Variants in STYX observed in about 807,000 individuals in gnomAD.
The protein encoded by STYX is serine/threonine/tyrosine-interacting protein.
A neutral mutation model predicts 42.7 loss-of-function variants in STYX; 20 were observed. The observed-to-expected ratio is 0.47, with a 90% CI of 0.33 to 0.68. STYX has a LOEUF of 0.68. Ranked by LOEUF, STYX falls within the 30% of genes least tolerant of loss-of-function variation. The probability of loss-of-function intolerance (pLI) is 0.02; values close to 1 mark genes in which losing one functional copy is unlikely to be tolerated. For missense variants in STYX, 226 were observed against 268.5 expected (o/e 0.84, Z 1.11); for synonymous variants, 78 against 81.9 (o/e 0.95, Z 0.26).
intron 4 of STYX, among the ~76,000 whole-genome samples, chr14:52,755,089 C>T (rs1017441082): frequency 1.9e-4 from 28 of 150,826 alleles, no homozygotes; most frequent in African/African-American, 6.6e-4. Context: ...TCCTGAGGTT[C>T]AGCTTCTGTG....
intron 9 of STYX, among the ~76,000 whole-genome samples, chr14:52,766,482 A>T (rs1357780539): frequency 6.6e-6 from 1 of 151,860 alleles, no homozygotes; most frequent in Admixed American, 6.6e-5. Context: ...TTTTTAAATT[A>T]TTTTTGGTAG....
chr14:52,770,972 T>C (rs1181665245), intron 10 of STYX, 61 bp from the exon 11 acceptor site: 49 of 1,524,742 alleles, frequency 3.2e-5, no homozygotes, highest in Non-Finnish European at 3.7e-5. Flanking sequence ...TTTTACTTGC[T>C]GTAACCTTTT....
In STYX at chr14:52,773,730, T is replaced by C. The variant is rs1882612350; in HGVS notation, c.*2624T>C. On this transcript the variant is annotated 3_prime_UTR_variant, in exon 11 of 11. Transcript: ENST00000354586. ...TTTTCTTGCATGTCTGTCCACCTAA[T>C]GTTTAAGTAGTTCTGGTAGCTCTTC... The C allele has an allele frequency of 6.6e-6, 1 of 152,180 alleles. No individual in the cohort carries two copies. Among genetic ancestry groups the C allele is most frequent in the Admixed American group, 6.5e-5 (1 of 15,278 alleles). The allele number at this position is 152,180 out of a possible 1,614,324, so 9.4% of individuals were successfully genotyped here. A position where few individuals can be genotyped will look rare whatever the true frequency, so the allele number is the denominator to read the frequency against.
At chr14:52,752,376 A>T (rs1008446912) in intron 4 of STYX, among the ~76,000 whole-genome samples, 2 of 151,824 alleles carry the variant, frequency 1.3e-5, no homozygotes, top group Non-Finnish European at 2.9e-5. Context: ...GAGGCAGGAG[A>T]ATCACTTGAA....
At chr14:52,730,808 G>A (rs1880668054) in intron 1 of STYX, among the ~76,000 whole-genome samples, 1 of 152,234 alleles carries the variant, frequency 6.6e-6, no homozygotes, top group Admixed American at 6.5e-5. Flanking sequence ...CTGACCTGGA[G>A]TAAGGTTCCT....
chr14:52,774,420 T>G lies in STYX; in HGVS notation c.*3314T>G, dbSNP rs1196407926. The G allele has an allele frequency of 2.6e-5, 4 of 152,016 alleles. No homozygotes were observed. Among genetic ancestry groups the G allele is most frequent in the Admixed American group, 2.6e-4 (4 of 15,280 alleles). 9.4% of individuals were successfully genotyped at this position (152,016 alleles called of 1,614,324 possible). ...GCGGATTTTTTTTTTTTTAAATAAC[T>G]GATTTAATCCATAATCCCATAACAA... On this transcript the variant is annotated 3_prime_UTR_variant, in exon 11 of 11. Transcript: ENST00000354586.
At chr14:52,764,849 G>C (rs1370301037) in intron 9 of STYX, among the ~76,000 whole-genome samples, 1 of 151,042 alleles carries the variant, frequency 6.6e-6, no homozygotes, top group Non-Finnish European at 1.5e-5. Flanking sequence ...TTGTATTTTT[G>C]GTAGAGACGG....
Position 52,732,456 on chromosome 14 carries a change from G to A in STYX, c.57+1925G>A, listed in dbSNP as rs373205733. Reference sequence around the variant, plus strand: ...CCGGGCTAATTTTTTTGTATTTTTAGTAGAGACGGGGTTTCACCATGTTGG... The same window carrying A: ...CCGGGCTAATTTTTTTGTATTTTTAATAGAGACGGGGTTTCACCATGTTGG... On this transcript the variant is annotated intron_variant, in intron 1 of 10. Coordinates refer to ENST00000354586, the MANE Select transcript of STYX (RefSeq NM_145251.4). 3.8e-3 allele frequency among the ~76,000 whole-genome samples: 583 copies of A among 151,742 alleles called. 3 individuals are homozygous for A. Among genetic ancestry groups the A allele is most frequent in the Middle Eastern group, 6.8e-3 (2 of 294 alleles).
chr14:52,743,117 A>G (rs936644294), intron 1 of STYX, among the ~76,000 whole-genome samples: 8 of 151,066 alleles, frequency 5.3e-5, no homozygotes, highest in South Asian at 2.1e-4. Flanking sequence ...TTAAACTGTC[A>G]TTACTCGGGG....
intron 1 of STYX, among the ~76,000 whole-genome samples, chr14:52,731,902 T>A (rs1270921473): frequency 6.6e-6 from 1 of 151,748 alleles, no homozygotes; most frequent in African/African-American, 2.4e-5. Context: ...AAGCCATCCT[T>A]TCACCTCAGC....
chr14:52,743,319 C>G (rs1252563332), intron 1 of STYX, among the ~76,000 whole-genome samples: 3 of 152,150 alleles, frequency 2.0e-5, no homozygotes, highest in South Asian at 2.1e-4. Flanking sequence ...CAGTAGCTCA[C>G]TCCCGAAATC....
chr14:52,761,364 A>G (rs1024149008), intron 9 of STYX, among the ~76,000 whole-genome samples: 1 of 151,750 alleles, frequency 6.6e-6, no homozygotes, highest in African/African-American at 2.4e-5. Context: ...AAATATCCTG[A>G]TAGGTACATC....
At chr14:52,745,213 C>A (rs1368942947) in intron 2 of STYX, among the ~76,000 whole-genome samples, 1 of 151,826 alleles carries the variant, frequency 6.6e-6, no homozygotes, top group African/African-American at 2.4e-5. Context: ...GTCCACCTCC[C>A]GGGTTCAAGT....
rs569828450 is a variant in STYX, at chr14:52,757,007, G to A, written c.304-312G>A. 2.6e-5 allele frequency among the ~76,000 whole-genome samples: 4 copies of A among 152,164 alleles called. No homozygotes were observed. The East Asian group carries it at 5.8e-4, about 22-fold the overall frequency. On this transcript the variant is annotated intron_variant, in intron 5 of 10. Coordinates refer to ENST00000354586, the MANE Select transcript of STYX (RefSeq NM_145251.4). ...CAGCCCCTTTAATTGTGCTTGTAAAGCTTGCTACTTTTACTTTGCTATGAC... is the reference window on the plus strand; with the variant it reads ...CAGCCCCTTTAATTGTGCTTGTAAAACTTGCTACTTTTACTTTGCTATGAC...
chr14:52,749,964 G>T (rs1476216455), intron 3 of STYX, among the ~76,000 whole-genome samples: 1 of 152,102 alleles, frequency 6.6e-6, no homozygotes, highest in Non-Finnish European at 1.5e-5. Flanking sequence ...AAACATAAAT[G>T]AATTTTGTGT....
At chr14:52,757,981 A>C (rs1881941603) in intron 8 of STYX, 57 bp downstream of exon 8, 1 of 1,572,474 alleles carries the variant, frequency 6.4e-7, no homozygotes. Context: ...AATGAAACTT[A>C]ATGGGAATAG....
At chr14:52,739,798 C>A (rs1202353502) in intron 1 of STYX, among the ~76,000 whole-genome samples, 1 of 151,736 alleles carries the variant, frequency 6.6e-6, no homozygotes, top group African/African-American at 2.4e-5. Flanking sequence ...TGCACCACCA[C>A]CGCACCTGGC....
intron 9 of STYX, among the ~76,000 whole-genome samples, chr14:52,764,239 C>T (rs1882212080): frequency 6.6e-6 from 1 of 152,178 alleles, no homozygotes; most frequent in African/African-American, 2.4e-5. Context: ...GATCCTCCCA[C>T]CTCGGCCTCC....
chr14:52,744,361 C>T (rs192751667), intron 1 of STYX, among the ~76,000 whole-genome samples: 120 of 152,244 alleles, frequency 7.9e-4, no homozygotes, highest in African/African-American at 2.7e-3. Context: ...AAGCATTTGG[C>T]ATTTTAGATC....
Sources: allele counts gnomAD v4.1 joint callset (sites outside exome capture counted in the v4.1 genomes callset), GRCh38; gene constraint gnomAD v4.1.1; transcripts MANE v1.5; gene names NCBI Gene and HGNC (gene_info 2026-07-23, HGNC 2026-07-21).